The following BCO2 variants were observed in gnomAD, a reference collection of about 807,000 sequenced individuals.
The protein encoded by BCO2 is beta-carotene oxygenase 2.
BCO2 carries 56 observed loss-of-function variants against 65.8 expected under a neutral mutation model. The ratio of observed to expected loss-of-function variants is 0.85; its 90% confidence interval spans 0.69 to 1.06. The LOEUF (loss-of-function observed/expected upper bound fraction) is 1.06, where lower values mean the gene tolerates loss of function less well. Among genes scored for constraint, BCO2 ranks in the 50% least tolerant of loss-of-function variants. The probability of loss-of-function intolerance (pLI) is 0.00; values close to 1 mark genes in which losing one functional copy is unlikely to be tolerated. For missense variants in BCO2, 675 were observed against 698.5 expected, an observed-to-expected ratio of 0.97 and a Z score of 0.38; for synonymous variants, 233 against 242.3, an observed-to-expected ratio of 0.96 and a Z score of 0.36.
chr11:112,206,533 A>G (rs571332358), intron 8 of BCO2, among the ~76,000 whole-genome samples: 2 of 152,246 alleles, frequency 1.3e-5, no homozygotes, highest in East Asian at 3.9e-4. Flanking sequence ...CCAAGGTGGG[A>G]GGATTGCTTG....
Position 112,190,543 on chromosome 11 carries a change from C to T in BCO2, c.294-2931C>T, listed in dbSNP as rs182603642. ...CTTTTGTGAAAATTTAACATCCATT[C>T]TTCCTAAAAATTGCTTAAGAAAATA... On this transcript the variant is annotated intron_variant, in intron 2 of 11. Coordinates refer to ENST00000357685, the MANE Select transcript of BCO2 (RefSeq NM_031938.7). 2.0e-5 allele frequency among the ~76,000 whole-genome samples: 3 copies of T among 152,188 alleles called. No individual in the cohort carries two copies. In the East Asian group the frequency reaches 5.8e-4, roughly 29 times the overall value.
At chr11:112,188,562 A>T (rs11214119) in intron 2 of BCO2, among the ~76,000 whole-genome samples, 19,518 of 152,070 alleles carry the variant, frequency 0.13, 1,469 homozygotes, top group East Asian at 0.39. Context: ...CTCCGCCCAC[A>T]TGCTACCCCC....
chr11:112,196,543 C>T (rs1867579151), intron 5 of BCO2, among the ~76,000 whole-genome samples: 1 of 152,106 alleles, frequency 6.6e-6, no homozygotes, highest in Admixed American at 6.5e-5. Context: ...AAAATATGTT[C>T]TTCAGACTAA....
intron 8 of BCO2, among the ~76,000 whole-genome samples, chr11:112,210,657 C>A (rs575637729): frequency 6.6e-6 from 1 of 151,944 alleles, no homozygotes; most frequent in Admixed American, 6.6e-5. Context: ...CAAAAAGTAG[C>A]GTGAAGGATC....
At chr11:112,201,924 T>A in intron 7 of BCO2, 99 bp from the exon 8 acceptor site, 4 of 1,050,186 alleles carry the variant, frequency 3.8e-6, no homozygotes, top group Non-Finnish European at 5.4e-6. Flanking sequence ...ATCTTTCTAA[T>A]TTTCTTATTT....
intron 5 of BCO2, among the ~76,000 whole-genome samples, chr11:112,198,044 C>T (rs1237069856): frequency 6.6e-6 from 1 of 152,208 alleles, no homozygotes; most frequent in East Asian, 1.9e-4. Flanking sequence ...AGCCCCTACT[C>T]CTCATATGAT....
chr11:112,214,104 A>G (rs547185010), intron 9 of BCO2, among the ~76,000 whole-genome samples: 1 of 152,030 alleles, frequency 6.6e-6, no homozygotes, highest in African/African-American at 2.4e-5. Flanking sequence ...TGGAATGTCT[A>G]TCCATTTGAG....
intron 10 of BCO2, chr11:112,215,195 AG>A (rs1859635099): frequency 2.1e-6 from 1 of 478,742 alleles, no homozygotes; most frequent in Non-Finnish European, 3.8e-6. Context: ...TTGTGGGGTT[AG>A]GGTTGTTAGG....
intron 5 of BCO2, 134 bp from the exon 6 acceptor site, chr11:112,199,565 C>A (rs753595263): frequency 4.3e-6 from 3 of 701,790 alleles, no homozygotes; most frequent in Non-Finnish European, 7.0e-6. Flanking sequence ...TTTGAAATAA[C>A]CCTTCAGGAA....
intron 11 of BCO2, among the ~76,000 whole-genome samples, chr11:112,216,670 G>A (rs1368946555): frequency 6.6e-6 from 1 of 152,162 alleles, no homozygotes; most frequent in Non-Finnish European, 1.5e-5. Flanking sequence ...ATCTCCTGGT[G>A]GTAAAGCCAG....
chr11:112,190,583 G>A (rs143248363), intron 2 of BCO2, among the ~76,000 whole-genome samples: 8 of 152,072 alleles, frequency 5.3e-5, no homozygotes, highest in Non-Finnish European at 7.4e-5. Context: ...TTGGCTGGGC[G>A]CAGTGGCTCA....
chr11:112,194,479 T>C (rs1040848421), intron 4 of BCO2, 174 bp from the exon 5 acceptor site: 37 of 541,590 alleles, frequency 6.8e-5, no homozygotes, highest in African/African-American at 6.0e-4. Context: ...GTTGTTTTAA[T>C]CTTGATTTCT....
chr11:112,217,524 G>C (rs1859714982), intron 11 of BCO2, among the ~76,000 whole-genome samples: 1 of 152,090 alleles, frequency 6.6e-6, no homozygotes, highest in South Asian at 2.1e-4. Flanking sequence ...ACCACGCCTG[G>C]TTAATTTTTG....
At chr11:112,216,401 C>A in intron 11 of BCO2, 71 bp downstream of exon 11, 2 of 1,091,954 alleles carry the variant, frequency 1.8e-6, no homozygotes, top group Non-Finnish European at 2.8e-6. Flanking sequence ...CAAGGATGCA[C>A]ACTCATCTGT....
intron 2 of BCO2, among the ~76,000 whole-genome samples, chr11:112,191,962 A>G (rs1867403108): frequency 6.6e-6 from 1 of 152,184 alleles, no homozygotes; most frequent in Non-Finnish European, 1.5e-5. Context: ...ACCATTTTTA[A>G]GACAACAGTT....
intron 5 of BCO2, among the ~76,000 whole-genome samples, chr11:112,198,596 G>A (rs906464549): frequency 1.9e-4 from 29 of 152,114 alleles, no homozygotes; most frequent in Admixed American, 1.6e-3. Flanking sequence ...AAGTGCCTTT[G>A]GGGTGGGGAG....
chr11:112,200,317 A>C (rs902446593), intron 6 of BCO2: 3 of 252,460 alleles, frequency 1.2e-5, no homozygotes, highest in East Asian at 1.9e-4. Flanking sequence ...CTTTAATACT[A>C]TACTTTTTTA....
intron 11 of BCO2, among the ~76,000 whole-genome samples, chr11:112,217,296 G>C (rs1859706982): frequency 6.6e-6 from 1 of 152,210 alleles, no homozygotes; most frequent in Non-Finnish European, 1.5e-5. Flanking sequence ...GTGAGGCACT[G>C]TGCTAGGTTC....
chr11:112,208,469 A>T (rs1305402282), intron 8 of BCO2: 1 of 149,034 alleles, frequency 6.7e-6, no homozygotes, highest in Non-Finnish European at 1.4e-5. Context: ...AGTGTTGAAT[A>T]TAAGTGATGA....
Sources: gnomAD v4.1 joint callset for allele counts (sites outside exome capture counted in the v4.1 genomes callset) on GRCh38, gnomAD v4.1.1 for gene constraint, MANE v1.5 for transcripts, NCBI Gene and HGNC (gene_info 2026-07-23, HGNC 2026-07-21) for gene names.